The following ZNF737 variants were observed in gnomAD, a reference collection of about 807,000 sequenced individuals.
ZNF737 encodes the protein zinc finger protein 102 (Y3).
In ZNF737, 13 loss-of-function variants were observed where a neutral mutation model predicts 11.7. The ratio of observed to expected loss-of-function variants is 1.11; its 90% CI spans 0.73 to 1.77. The LOEUF is 1.77. Ranked by LOEUF, ZNF737 falls within the 40% of genes most tolerant of loss-of-function variation. The pLI is 0.00. For missense variants in ZNF737, 636 were observed against 638.0 expected (o/e 1.00, Z 0.03); for synonymous variants, 217 against 216.2 (o/e 1.00, Z -0.03).
chr19:20,533,382 A>G (rs1555753230), downstream of ZNF737, among the ~76,000 whole-genome samples: 1 of 149,984 alleles, frequency 6.7e-6, no homozygotes, highest in Non-Finnish European at 1.5e-5. Flanking sequence ...ATGAATATAT[A>G]TAAAGATTGT....
Position 20,544,541 on chromosome 19 carries a change from T to C in ZNF737, c.*51A>G, listed in dbSNP as rs918709202. On this transcript the variant is annotated 3_prime_UTR_variant, in exon 4 of 4. Transcript: ENST00000427401. ...TTTCCCTCCAATATGAATTTTCTTA[T>C]GTGAAAAAAGCATAGTGGGATAGCT... The C allele has an allele frequency of 1.5e-5, 23 of 1,543,908 alleles. No individual in the cohort carries two copies. The highest frequency in any genetic ancestry group is 1.9e-5 in the Non-Finnish European group (22 of 1,152,384).
At chr19:20,553,107 G>A (rs1428631885) in intron 2 of ZNF737, among the ~76,000 whole-genome samples, 1 of 152,004 alleles carries the variant, frequency 6.6e-6, no homozygotes, top group Non-Finnish European at 1.5e-5. Flanking sequence ...TCAAAAATTG[G>A]TGGTGGCATT....
Position 20,539,405 on chromosome 19 carries a change from T to G in ZNF737, c.*5187A>C. ...TCAGATTTCAAAAGGTCAAAAACAA[T>G]CATTGAGCAAAGCTTAAATCTTGCC... On this transcript the variant is annotated 3_prime_UTR_variant, in exon 4 of 4. Transcript: ENST00000427401. The G allele has an allele frequency of 1.0e-6, 1 of 985,348 alleles. No homozygotes were observed. The allele number at this position is 985,348 out of a possible 1,614,324, so 61.0% of individuals were successfully genotyped here. A position where few individuals can be genotyped will look rare whatever the true frequency, so the allele number is the denominator to read the frequency against.
At position 20,545,514 on chromosome 19, in the gene ZNF737, T is replaced by C. The variant is rs1431982029; in HGVS notation, c.689A>G (p.Lys230Arg). The C allele has an allele frequency of 5.6e-6, 9 of 1,613,348 alleles. No individual in the cohort carries two copies. In the Admixed American group the frequency reaches 1.2e-4, roughly 21 times the overall value. ...AAAGGCTTTGCCACAGTCTTCACATTTGTACCGTTTCTCTCCAGTATGAAT... is the reference window on the plus strand; with the variant it reads ...AAAGGCTTTGCCACAGTCTTCACATCTGTACCGTTTCTCTCCAGTATGAAT... Reference protein sequence around the residue: ...KRIHTGEKRYKCEDCGKAFSR... With the variant: ...KRIHTGEKRYRCEDCGKAFSR... The change falls in exon 4 of 4, where the codon AAA (lysine) becomes AGA (arginine). Residue 230 changes from lysine to arginine, a missense_variant. By Grantham distance (26) the Lys-to-Arg change is conservative. Transcript: ENST00000427401.
chr19:20,565,556 G>A (rs1969266297), intron 1 of ZNF737, 82 bp downstream of exon 1: 1 of 1,606,302 alleles, frequency 6.2e-7, no homozygotes, highest in Non-Finnish European at 8.5e-7. Flanking sequence ...CTGCGCAGAG[G>A]CCTGAGTCCC....
Position 20,542,748 on chromosome 19 carries a change from C to A in ZNF737, c.*1844G>T, listed in dbSNP as rs979491386. On this transcript the variant is annotated 3_prime_UTR_variant, in exon 4 of 4. Transcript: ENST00000427401. ...TGCGTCTTACATTTTAATGTTCTTA[C>A]TATTTTATAGAAAAAGTCATAATGT... is the stretch of plus-strand genomic sequence containing the variant. 1 of 983,004 alleles carries A rather than the reference C, an allele frequency of 1.0e-6. No individual in the cohort carries two copies. The highest frequency in any genetic ancestry group is 1.2e-6 in the Non-Finnish European group (1 of 829,234). 60.9% of individuals were successfully genotyped at this position (983,004 alleles called of 1,614,324 possible). A position where few individuals can be genotyped will look rare whatever the true frequency, so the allele number is the denominator to read the frequency against.
chr19:20,558,065 C>A (rs782310890), intron 1 of ZNF737, among the ~76,000 whole-genome samples: 1 of 151,810 alleles, frequency 6.6e-6, no homozygotes, highest in Non-Finnish European at 1.5e-5. Flanking sequence ...GATTTCGAGA[C>A]CAGCTTGACC....
intron 3 of ZNF737, among the ~76,000 whole-genome samples, chr19:20,547,071 C>T (rs782007570): frequency 2.0e-4 from 30 of 152,084 alleles, no homozygotes; most frequent in Non-Finnish European, 3.8e-4. Flanking sequence ...GTTGTCAATA[C>T]AACCTACAGT....
rs1968203479 is a variant in ZNF737, at chr19:20,541,457, TA to T, written c.*3134del. On this transcript the variant is annotated 3_prime_UTR_variant, in exon 4 of 4. Coordinates refer to ENST00000427401, the MANE Select transcript of ZNF737 (RefSeq NM_001159293.2). Reference sequence around the variant, plus strand: ...AAATGTATGGATTTTATTTTTATTTTATTTTTTGAGATGGAGACTCACTCTG... The same window carrying T: ...AAATGTATGGATTTTATTTTTATTTTTTTTTTGAGATGGAGACTCACTCTG... The T allele has an allele frequency of 1.0e-6, 1 of 954,694 alleles. No homozygotes were observed. The highest frequency in any genetic ancestry group is 4.8e-5 in the South Asian group (1 of 20,666). The allele number at this position is 954,694 out of a possible 1,614,324, so 59.1% of individuals were successfully genotyped here. A position where few individuals can be genotyped will look rare whatever the true frequency, so the allele number is the denominator to read the frequency against.
chr19:20,535,105 CTG>C (rs1967925603), downstream of ZNF737, among the ~76,000 whole-genome samples: 1 of 134,124 alleles, frequency 7.5e-6, no homozygotes, highest in African/African-American at 2.8e-5. Context: ...TGGTGAAAGC[CTG>C]CCTCTACTAA....
At position 20,539,638 on chromosome 19, in the gene ZNF737, A is replaced by ATACAG. The variant is rs1968118936; in HGVS notation, c.*4953_*4954insCTGTA. 2 of 942,896 alleles carry ATACAG rather than the reference A, an allele frequency of 2.1e-6. No individual in the cohort carries two copies. The highest frequency in any genetic ancestry group is 2.5e-6 in the Non-Finnish European group (2 of 791,424). The allele number at this position is 942,896 out of a possible 1,614,324, so 58.4% of individuals were successfully genotyped here. ...TAATGTGTTTACAGTTTAATCTTGT[A>ATACAG]TTACAGTATAGTAGAATCCTCTATA... On this transcript the variant is annotated 3_prime_UTR_variant, in exon 4 of 4. Coordinates refer to ENST00000427401, the MANE Select transcript of ZNF737 (RefSeq NM_001159293.2).
In ZNF737 at chr19:20,541,408, T is replaced by C. The variant is rs1599399006; in HGVS notation, c.*3184A>G. The C allele has an allele frequency of 1.0e-6, 1 of 982,932 alleles. No homozygotes were observed. Among genetic ancestry groups the C allele is most frequent in the Non-Finnish European group, 1.2e-6 (1 of 827,756 alleles). The allele number at this position is 982,932 out of a possible 1,614,324, so 60.9% of individuals were successfully genotyped here. ...TGTTCAAGGAAAACTATATTACAAG[T>C]ATTTATAATTTTTCAGGACTCAGAA... On this transcript the variant is annotated 3_prime_UTR_variant, in exon 4 of 4. Transcript: ENST00000427401.
intron 3 of ZNF737, among the ~76,000 whole-genome samples, chr19:20,546,953 C>A (rs1431459550): frequency 4.6e-5 from 7 of 152,088 alleles, no homozygotes; most frequent in African/African-American, 1.7e-4. Flanking sequence ...CTGAATGAAA[C>A]TAGGAATTAA....
chr19:20,531,099 G>A (rs1257336355), downstream of ZNF737, among the ~76,000 whole-genome samples: 7 of 146,130 alleles, frequency 4.8e-5, no homozygotes, highest in South Asian at 2.3e-4. Flanking sequence ...GTGGCGGCGC[G>A]CGCCTGCAAT....
chr19:20,544,475 G>A lies in ZNF737; in HGVS notation c.*117C>T. 3 of 1,515,026 alleles carry A rather than the reference G, an allele frequency of 2.0e-6. No homozygotes were observed. The highest frequency in any genetic ancestry group is 1.4e-5 in the South Asian group (1 of 73,712). 93.8% of individuals were successfully genotyped at this position (1,515,026 alleles called of 1,614,324 possible). Reference sequence around the variant, plus strand: ...TATCTAATGTCTACTAAGGTTTGAGGATGAAATAAAGGCTTTGCCACATTT... The same window carrying A: ...TATCTAATGTCTACTAAGGTTTGAGAATGAAATAAAGGCTTTGCCACATTT... On this transcript the variant is annotated 3_prime_UTR_variant, in exon 4 of 4. Coordinates refer to ENST00000427401, the MANE Select transcript of ZNF737 (RefSeq NM_001159293.2).
Position 20,545,158 on chromosome 19 carries a change from C to T in ZNF737, c.1045G>A (p.Ala349Thr). The T allele has an allele frequency of 3.1e-6, 5 of 1,611,500 alleles. No homozygotes were observed. The highest frequency in any genetic ancestry group is 4.2e-6 in the Non-Finnish European group (5 of 1,178,636). The change falls in exon 4 of 4, where the codon GCC becomes ACC. Residue 349 changes from alanine (A) to threonine (T), a missense_variant. Ala to Thr is a moderately conservative substitution (Grantham distance 58). Coordinates refer to ENST00000427401, the MANE Select transcript of ZNF737 (RefSeq NM_001159293.2). The part of the protein sequence containing the change: ...KPYKCEECGR[A>T]FKYFSSLTTH... The stretch of plus-strand genomic sequence containing the variant: ...GTAAGGGATGAGAAGTACTTAAAGG[C>T]TCTGCCACATTCTTCACATTTGTAG...
At chr19:20,537,377 T>A (rs1968012247), downstream of ZNF737, among the ~76,000 whole-genome samples, 1 of 151,834 alleles carries the variant, frequency 6.6e-6, no homozygotes, top group Admixed American at 6.6e-5. Flanking sequence ...ATTTCTTGTA[T>A]TTTTAGTAGA....
In ZNF737 at chr19:20,542,202, ATAAAAT is replaced by A; in HGVS notation, c.*2384_*2389del. On this transcript the variant is annotated 3_prime_UTR_variant, in exon 4 of 4. Coordinates refer to ENST00000427401, the MANE Select transcript of ZNF737 (RefSeq NM_001159293.2). ...GTAGTCTTACCATGGTAAAAATAAA[ATAAAAT>A]TAAGTTCACAAATAATCTAACAAAC... 1.0e-6 allele frequency: 1 copy of A among 984,378 alleles called. No individual in the cohort carries two copies. Among genetic ancestry groups the A allele is most frequent in the Middle Eastern group, 5.2e-4 (1 of 1,910 alleles). The allele number at this position is 984,378 out of a possible 1,614,324, so 61.0% of individuals were successfully genotyped here.
chr19:20,548,131 G>C (rs1434277236), intron 3 of ZNF737, among the ~76,000 whole-genome samples: 1 of 151,660 alleles, frequency 6.6e-6, no homozygotes, highest in Non-Finnish European at 1.5e-5. Context: ...AACAGAGTGA[G>C]ACTCCATCTA....
Sources: allele counts gnomAD v4.1 joint callset (sites outside exome capture counted in the v4.1 genomes callset), GRCh38; gene constraint gnomAD v4.1.1; transcripts MANE v1.5; gene names NCBI Gene and HGNC (gene_info 2026-07-23, HGNC 2026-07-21).